The following SCN8A variants were observed in gnomAD, a reference collection of about 807,000 sequenced individuals.
SCN8A encodes the protein sodium voltage-gated channel alpha subunit 8.
Under a neutral mutation model 184.1 loss-of-function variants are expected in SCN8A, and 30 were observed. That is an observed-to-expected ratio of 0.16 (90% CI 0.12 to 0.22). SCN8A has a LOEUF of 0.22. Ranked by LOEUF, SCN8A falls within the 10% of genes least tolerant of loss-of-function variation. The pLI, the probability that SCN8A is intolerant of heterozygous loss-of-function variation, is 1.00. For synonymous variants in SCN8A, 852 were observed against 907.0 expected, an observed-to-expected ratio of 0.94 and a Z score of 1.09; for missense variants, 1,057 against 2,498.9, an observed-to-expected ratio of 0.42 and a Z score of 12.30.
chr12:51,640,529 A>G (rs1275838110), intron 1 of SCN8A, among the ~76,000 whole-genome samples: 1 of 152,062 alleles, frequency 6.6e-6, no homozygotes, highest in East Asian at 1.9e-4. Context: ...ATAGCATTCT[A>G]ATCAATAGGA....
intron 10 of SCN8A, 114 bp from the exon 11 acceptor site, chr12:51,706,308 T>C (rs535460727): frequency 9.6e-7 from 1 of 1,041,586 alleles, no homozygotes; most frequent in South Asian, 2.5e-5. Context: ...GTTTCCTGCC[T>C]CCTTTTTTCC....
intron 6 of SCN8A, among the ~76,000 whole-genome samples, chr12:51,693,783 G>A (rs1941549589): frequency 6.6e-6 from 1 of 152,122 alleles, no homozygotes; most frequent in South Asian, 2.1e-4. Flanking sequence ...TTCTTTCCCT[G>A]GGTTGAGAAC....
intron 6 of SCN8A, among the ~76,000 whole-genome samples, chr12:51,695,215 C>A (rs549472162): frequency 6.6e-6 from 1 of 152,142 alleles, no homozygotes; most frequent in Admixed American, 6.5e-5. Flanking sequence ...TTATCTGACC[C>A]TCTGTGAAGT....
intron 1 of SCN8A, among the ~76,000 whole-genome samples, chr12:51,601,068 C>T (rs1939453441): frequency 6.6e-6 from 1 of 152,128 alleles, no homozygotes; most frequent in South Asian, 2.1e-4. Context: ...TAAGTGCATA[C>T]CTTTCTCCTA....
intron 14 of SCN8A, among the ~76,000 whole-genome samples, chr12:51,754,923 T>C (rs1337820689): frequency 1.3e-5 from 2 of 152,204 alleles, no homozygotes; most frequent in Non-Finnish European, 2.9e-5. Flanking sequence ...AATCACTTGA[T>C]TAAGGAGGTG....
chr12:51,605,708 C>T (rs776374915), intron 1 of SCN8A, among the ~76,000 whole-genome samples: 16 of 152,198 alleles, frequency 1.1e-4, no homozygotes, highest in Non-Finnish European at 1.6e-4. Flanking sequence ...TACGTTCCCA[C>T]CAGCAATGTA....
At chr12:51,778,549 C>T (rs1017236266) in intron 20 of SCN8A, among the ~76,000 whole-genome samples, 15 of 152,120 alleles carry the variant, frequency 9.9e-5, no homozygotes, top group African/African-American at 3.4e-4. Context: ...TCGGCCACAA[C>T]ACCTGGCCAT....
At chr12:51,728,355 C>T (rs913921454) in intron 12 of SCN8A, among the ~76,000 whole-genome samples, 1 of 152,176 alleles carries the variant, frequency 6.6e-6, no homozygotes, top group African/African-American at 2.4e-5. Context: ...AGAAGCCAGC[C>T]TGTTATAAGT....
intron 1 of SCN8A, among the ~76,000 whole-genome samples, chr12:51,640,078 TAA>T (rs1449794587): frequency 6.8e-6 from 1 of 147,438 alleles, no homozygotes; most frequent in Non-Finnish European, 1.5e-5. Flanking sequence ...TAATTTTTTT[TAA>T]GTTTTTTTTT....
chr12:51,761,441 C>A (rs1225122434), intron 14 of SCN8A, among the ~76,000 whole-genome samples: 1 of 146,720 alleles, frequency 6.8e-6, no homozygotes, highest in Non-Finnish European at 1.5e-5. Flanking sequence ...GAATTTTATT[C>A]ACTATTTATT....
chr12:51,797,334 G>A lies in SCN8A; in HGVS notation c.4795+2693G>A, dbSNP rs187874186. 2.5e-3 allele frequency among the ~76,000 whole-genome samples: 385 copies of A among 152,178 alleles called. 3 individuals carry two copies. The highest frequency in any genetic ancestry group is 9.0e-3 in the African/African-American group (375 of 41,514). ...ACAAATCTTACGTCACATGATAAAGGAAAAAGAAAAGAACTAAAATGAAGA... is the reference window on the plus strand; with the variant it reads ...ACAAATCTTACGTCACATGATAAAGAAAAAAGAAAAGAACTAAAATGAAGA... On this transcript the variant is annotated intron_variant, in intron 26 of 26. Transcript: ENST00000627620.
At chr12:51,673,693 A>T (rs1294883912) in intron 2 of SCN8A, among the ~76,000 whole-genome samples, 1 of 152,192 alleles carries the variant, frequency 6.6e-6, no homozygotes, top group African/African-American at 2.4e-5. Context: ...GCATCACATT[A>T]TGTACTGTGC....
intron 11 of SCN8A, among the ~76,000 whole-genome samples, chr12:51,713,883 T>G (rs1190132533): frequency 6.6e-6 from 1 of 151,466 alleles, no homozygotes; most frequent in African/African-American, 2.4e-5. Context: ...TTTACTAATT[T>G]TAAAAATATA....
intron 1 of SCN8A, among the ~76,000 whole-genome samples, chr12:51,651,138 C>T (rs749552611): frequency 6.6e-6 from 1 of 152,278 alleles, no homozygotes; most frequent in African/African-American, 2.4e-5. Context: ...CTCTCATTCC[C>T]GTAAACCCAC....
intron 1 of SCN8A, among the ~76,000 whole-genome samples, chr12:51,635,520 T>C (rs943893484): frequency 8.5e-5 from 13 of 152,164 alleles, no homozygotes; most frequent in African/African-American, 3.1e-4. Context: ...AAGGGGACAT[T>C]CTGGAAATGG....
rs530787175 is a variant in SCN8A, at chr12:51,599,356, G to C, written c.-55+7997G>C. 5.3e-5 allele frequency among the ~76,000 whole-genome samples: 8 copies of C among 152,304 alleles called. No individual in the cohort carries two copies. In the South Asian group the frequency reaches 1.4e-3, roughly 28 times the overall value. ...TAATAAATTGATTTTTTAGGAAAGA[G>C]AGAGCATTTCAAGTTGGTATGATTA... On this transcript the variant is annotated intron_variant, in intron 1 of 26. Transcript: ENST00000627620.
At chr12:51,621,487 G>A (rs567430360) in intron 1 of SCN8A, among the ~76,000 whole-genome samples, 126 of 152,324 alleles carry the variant, frequency 8.3e-4, no homozygotes, top group African/African-American at 3.0e-3. Flanking sequence ...TAGATAGTGG[G>A]ATGGGTATCA....
chr12:51,609,922 T>C (rs1013660001), intron 1 of SCN8A, among the ~76,000 whole-genome samples: 2 of 151,636 alleles, frequency 1.3e-5, no homozygotes, highest in African/African-American at 4.9e-5. Flanking sequence ...TGTATACATA[T>C]GTAACAAACC....
Position 51,751,567 on chromosome 12 carries a change from G to C in SCN8A, c.2344G>C (p.Glu782Gln), listed in dbSNP as rs1555224438. Residue 782 changes from glutamate (E) to glutamine (Q), a missense_variant, in exon 14 of 27, where the codon GAA (glutamate) becomes CAA (glutamine). Transcript: ENST00000627620. Reference sequence around the variant, plus strand: ...GCACCATCCTATGACACCACAATTTGAACATGTCTTGGCTGTAGGAAATCT... The same window carrying C: ...GCACCATCCTATGACACCACAATTTCAACATGTCTTGGCTGTAGGAAATCT... Reference protein sequence around the residue: ...MEHHPMTPQFEHVLAVGNLVF... With the variant: ...MEHHPMTPQFQHVLAVGNLVF... 6.2e-7 allele frequency: 1 copy of C among 1,613,612 alleles called. No individual in the cohort carries two copies. The highest frequency in any genetic ancestry group is 8.5e-7 in the Non-Finnish European group (1 of 1,179,648).
Sources: allele counts gnomAD v4.1 joint callset (sites outside exome capture counted in the v4.1 genomes callset), GRCh38; gene constraint gnomAD v4.1.1; transcripts MANE v1.5; gene names NCBI Gene and HGNC (gene_info 2026-07-23, HGNC 2026-07-21).